SEZ6L: variants seen among roughly 807,000 people sequenced by gnomAD.
SEZ6L encodes the protein seizure related 6 homolog like.
Under a neutral mutation model 106.2 loss-of-function variants are expected in SEZ6L, and 37 were observed. The ratio of observed to expected loss-of-function variants is 0.35; its 90% CI spans 0.27 to 0.46. The LOEUF is 0.46. Ranked by LOEUF, SEZ6L falls within the 20% of genes least tolerant of loss-of-function variation. The pLI, the probability that SEZ6L is intolerant of heterozygous loss-of-function variation, is 1.00. For missense variants in SEZ6L, 1,172 were observed against 1,332.8 expected, an observed-to-expected ratio of 0.88 and a Z score of 1.88; for synonymous variants, 541 against 570.4, an observed-to-expected ratio of 0.95 and a Z score of 0.73.
intron 1 of SEZ6L, among the ~76,000 whole-genome samples, chr22:26,280,614 C>T (rs6004985): frequency 0.14 from 21,013 of 152,098 alleles, 1,574 homozygotes; most frequent in Middle Eastern, 0.22. Flanking sequence ...CCTAAAACTG[C>T]ACCCTACACC....
At chr22:26,188,859 C>T (rs1166572400) in intron 1 of SEZ6L, among the ~76,000 whole-genome samples, 1 of 152,076 alleles carries the variant, frequency 6.6e-6, no homozygotes, top group Non-Finnish European at 1.5e-5. Flanking sequence ...TTTATAGTAC[C>T]AGCAGTAAAA....
intron 1 of SEZ6L, among the ~76,000 whole-genome samples, chr22:26,277,136 T>G (rs2080575226): frequency 6.7e-6 from 1 of 149,798 alleles, no homozygotes; most frequent in Non-Finnish European, 1.5e-5. Flanking sequence ...AGCCTCTCTC[T>G]CAGCCAGGCT....
intron 11 of SEZ6L, 98 bp from the exon 12 acceptor site, chr22:26,350,954 C>A: frequency 7.5e-7 from 1 of 1,336,640 alleles, no homozygotes. Flanking sequence ...CCGCACCCGG[C>A]CAAGTTAGGA....
At chr22:26,247,427 G>T (rs1181449332) in intron 1 of SEZ6L, among the ~76,000 whole-genome samples, 1 of 152,200 alleles carries the variant, frequency 6.6e-6, no homozygotes, top group Non-Finnish European at 1.5e-5. Context: ...GGTCATATTG[G>T]ATTGGGGTGG....
chr22:26,352,782 G>T (rs770563056), intron 12 of SEZ6L, among the ~76,000 whole-genome samples: 1 of 152,190 alleles, frequency 6.6e-6, no homozygotes, highest in Non-Finnish European at 1.5e-5. Flanking sequence ...AAACAAAAAT[G>T]GAGATGTCTG....
At chr22:26,314,350 T>G (rs1176280492) in intron 9 of SEZ6L, among the ~76,000 whole-genome samples, 4 of 152,192 alleles carry the variant, frequency 2.6e-5, no homozygotes, top group African/African-American at 9.7e-5. Context: ...GCATCCCAAA[T>G]GAACAGAATG....
intron 11 of SEZ6L, among the ~76,000 whole-genome samples, chr22:26,350,501 G>A (rs2083239428): frequency 6.6e-6 from 1 of 151,788 alleles, no homozygotes; most frequent in Non-Finnish European, 1.5e-5. Flanking sequence ...TCAAGTCCTA[G>A]GATTACAGGC....
intron 1 of SEZ6L, among the ~76,000 whole-genome samples, chr22:26,224,058 A>C (rs1602079209): frequency 6.6e-6 from 1 of 152,196 alleles, no homozygotes; most frequent in East Asian, 1.9e-4. Context: ...TCATTGAATA[A>C]AATGTCTCAA....
chr22:26,304,537 T>G (rs1454094168), intron 5 of SEZ6L, among the ~76,000 whole-genome samples: 2 of 152,164 alleles, frequency 1.3e-5, no homozygotes, highest in Non-Finnish European at 2.9e-5. Context: ...TAAGAATACC[T>G]TCTCGCTTGA....
At chr22:26,373,061 G>A (rs2084093616) in intron 13 of SEZ6L, among the ~76,000 whole-genome samples, 1 of 152,204 alleles carries the variant, frequency 6.6e-6, no homozygotes, top group East Asian at 1.9e-4. Context: ...TGATGTCAGA[G>A]AAGTCACTTC....
intron 3 of SEZ6L, among the ~76,000 whole-genome samples, chr22:26,294,888 T>TTG (rs1569449995): frequency 0.025 from 3,462 of 140,726 alleles, 338 homozygotes; most frequent in African/African-American, 0.092. Flanking sequence ...TTTCTTTCTT[T>TTG]CTTGCTTGCT....
chr22:26,252,168 T>G (rs1370057736), intron 1 of SEZ6L, among the ~76,000 whole-genome samples: 1 of 152,094 alleles, frequency 6.6e-6, no homozygotes. Flanking sequence ...CCCAGGTGTC[T>G]CATGTGCACA....
In SEZ6L at chr22:26,212,140, G is replaced by A. The variant is rs146329427; in HGVS notation, c.94+42377G>A. ...CCTGGGATGAGAGGGAACACGCAGA[G>A]TTTAAGGAATTAGAAGCGGGTCAAT... On this transcript the variant is annotated intron_variant, in intron 1 of 16. Coordinates refer to ENST00000248933, the MANE Select transcript of SEZ6L (RefSeq NM_021115.5). 3.0e-3 allele frequency among the ~76,000 whole-genome samples: 457 copies of A among 152,266 alleles called. 5 individuals carry two copies. The highest frequency in any genetic ancestry group is 0.01 in the African/African-American group (431 of 41,558).
intron 1 of SEZ6L, among the ~76,000 whole-genome samples, chr22:26,237,212 C>T (rs4822693): frequency 0.18 from 27,670 of 152,184 alleles, 3,006 homozygotes; most frequent in East Asian, 0.42. Flanking sequence ...AGAACTATTA[C>T]GTAAAGCTTC....
intron 12 of SEZ6L, among the ~76,000 whole-genome samples, chr22:26,356,199 C>T (rs1316104512): frequency 2.0e-5 from 3 of 152,164 alleles, no homozygotes; most frequent in Non-Finnish European, 2.9e-5. Context: ...GGCCAAAATA[C>T]CATTTCCATT....
chr22:26,331,641 A>G (rs2082483636), intron 9 of SEZ6L, among the ~76,000 whole-genome samples: 1 of 152,238 alleles, frequency 6.6e-6, no homozygotes, highest in Non-Finnish European at 1.5e-5. Flanking sequence ...CACAAAGAAC[A>G]TTCGTTACCA....
rs554012438 is a variant in SEZ6L, at chr22:26,351,402, G to A, written c.2599+159G>A. On this transcript the variant is annotated intron_variant, in intron 12 of 16. Transcript: ENST00000248933. ...AAACAGTACCTAACACTGATTGGGA[G>A]CACACATACTATAACATTTACAGTA... 2.7e-5 allele frequency: 16 copies of A among 588,162 alleles called. No individual in the cohort carries two copies. In the South Asian group the frequency reaches 3.7e-4, roughly 14 times the overall value. 36.4% of individuals were successfully genotyped at this position (588,162 alleles called of 1,614,324 possible).
At chr22:26,296,548 A>G (rs2081305504) in intron 3 of SEZ6L, among the ~76,000 whole-genome samples, 1 of 151,976 alleles carries the variant, frequency 6.6e-6, no homozygotes, top group Admixed American at 6.6e-5. Flanking sequence ...TGCTGCCTCC[A>G]CTCACCAGCT....
At chr22:26,357,454 G>A (rs545330694) in intron 12 of SEZ6L, among the ~76,000 whole-genome samples, 56 of 152,218 alleles carry the variant, frequency 3.7e-4, no homozygotes, top group African/African-American at 1.3e-3. Context: ...ACAATGAATC[G>A]TCAGCACCAC....
Sources: gnomAD v4.1 joint callset for allele counts (sites outside exome capture counted in the v4.1 genomes callset) on GRCh38, gnomAD v4.1.1 for gene constraint, MANE v1.5 for transcripts, NCBI Gene and HGNC (gene_info 2026-07-23, HGNC 2026-07-21) for gene names.